The following PRDM6 variants were observed in gnomAD, a reference collection of about 807,000 sequenced individuals.
PRDM6 encodes PR/SET domain 6.
A neutral mutation model predicts 60.8 loss-of-function variants in PRDM6; 25 were observed. That is an observed-to-expected ratio of 0.41 (90% CI 0.30 to 0.57). PRDM6 has a LOEUF of 0.57. PRDM6 is among the 20% of genes least tolerant of loss of function. The probability of loss-of-function intolerance (pLI) is 0.27; values close to 1 mark genes in which losing one functional copy is unlikely to be tolerated. For missense variants in PRDM6, 839 were observed against 821.3 expected (o/e 1.02, Z -0.26); for synonymous variants, 407 against 357.4 (o/e 1.14, Z -1.57).
intron 3 of PRDM6, among the ~76,000 whole-genome samples, chr5:123,151,089 A>C: frequency 6.6e-6 from 1 of 152,168 alleles, no homozygotes; most frequent in East Asian, 1.9e-4. Context: ...GGTTCCTTCT[A>C]TGTGCTGGGC....
chr5:123,193,307 T>G lies in PRDM6; in HGVS notation c.*6106T>G, dbSNP rs894337494. 1.3e-5 allele frequency: 2 copies of G among 152,164 alleles called. No individual in the cohort carries two copies. The highest frequency in any genetic ancestry group is 4.8e-5 in the African/African-American group (2 of 41,436). 9.4% of individuals were successfully genotyped at this position (152,164 alleles called of 1,614,324 possible). On this transcript the variant is annotated 3_prime_UTR_variant, in exon 8 of 8. Transcript: ENST00000407847. The stretch of plus-strand genomic sequence containing the variant: ...GATATAAACTTTAACAAGCTGGAGA[T>G]CTATTTCTACAGCACAACTCTTTCA...
intron 6 of PRDM6, among the ~76,000 whole-genome samples, chr5:123,174,260 C>T (rs546033816): frequency 6.6e-6 from 1 of 152,326 alleles, no homozygotes; most frequent in African/African-American, 2.4e-5. Flanking sequence ...GGATGCTCAA[C>T]CTGTATACGT....
chr5:123,120,176 G>C (rs937879017), intron 3 of PRDM6, among the ~76,000 whole-genome samples: 1 of 152,184 alleles, frequency 6.6e-6, no homozygotes, highest in Non-Finnish European at 1.5e-5. Flanking sequence ...TTTAGAGATG[G>C]ATAAATGTTT....
chr5:123,149,012 A>T (rs1765314849), intron 3 of PRDM6, among the ~76,000 whole-genome samples: 1 of 152,244 alleles, frequency 6.6e-6, no homozygotes, highest in South Asian at 2.1e-4. Context: ...AGTTATACAG[A>T]TAAATAAGTC....
chr5:123,192,160 T>A lies in PRDM6; in HGVS notation c.*4959T>A, dbSNP rs1379201824. 1 of 152,202 alleles carries A rather than the reference T, an allele frequency of 6.6e-6. No individual in the cohort carries two copies. The highest frequency in any genetic ancestry group is 1.5e-5 in the Non-Finnish European group (1 of 68,028). 9.4% of individuals were successfully genotyped at this position (152,202 alleles called of 1,614,324 possible). ...TTATTCCCACAGAGGTTGATGGGAA[T>A]GATGATGATTATAAATTATATTGTG... is the stretch of plus-strand genomic sequence containing the variant. On this transcript the variant is annotated 3_prime_UTR_variant, in exon 8 of 8. Transcript: ENST00000407847.
chr5:123,146,097 TAC>T (rs1383958355), intron 3 of PRDM6, among the ~76,000 whole-genome samples: 1 of 152,246 alleles, frequency 6.6e-6, no homozygotes, highest in Non-Finnish European at 1.5e-5. Context: ...AAGTATTTAA[TAC>T]GATTGCTGTC....
intron 3 of PRDM6, among the ~76,000 whole-genome samples, chr5:123,101,062 C>G (rs550905242): frequency 2.0e-5 from 3 of 152,308 alleles, no homozygotes; most frequent in African/African-American, 7.2e-5. Context: ...GAGATTGCCT[C>G]TCATACTTGG....
intron 5 of PRDM6, among the ~76,000 whole-genome samples, chr5:123,161,553 C>T (rs564658705): frequency 6.6e-6 from 1 of 152,248 alleles, no homozygotes; most frequent in East Asian, 1.9e-4. Context: ...AAGGAACAAG[C>T]CATGTGTTAG....
At chr5:123,130,257 C>G (rs1456424152) in intron 3 of PRDM6, among the ~76,000 whole-genome samples, 1 of 90,320 alleles carries the variant, frequency 1.1e-5, no homozygotes, top group African/African-American at 4.5e-5. Flanking sequence ...CTCCCCTTCC[C>G]TTCCCTCCCT....
chr5:123,178,069 A>G (rs574998330), intron 6 of PRDM6, among the ~76,000 whole-genome samples: 1 of 152,236 alleles, frequency 6.6e-6, no homozygotes, highest in African/African-American at 2.4e-5. Flanking sequence ...AGAATTCAAC[A>G]TAAGCCTCTC....
intron 3 of PRDM6, among the ~76,000 whole-genome samples, chr5:123,110,856 C>G (rs1207658956): frequency 6.6e-6 from 1 of 152,056 alleles, no homozygotes; most frequent in African/African-American, 2.4e-5. Flanking sequence ...TGAGCCACCA[C>G]GTCCGGCAGT....
Position 123,090,617 on chromosome 5 carries a change from G to A in PRDM6, c.592+11G>A. 1.4e-6 allele frequency: 2 copies of A among 1,473,280 alleles called. No individual in the cohort carries two copies. Among genetic ancestry groups the A allele is most frequent in the Non-Finnish European group, 9.0e-7 (1 of 1,116,068 alleles). 91.3% of individuals were successfully genotyped at this position (1,473,280 alleles called of 1,614,324 possible). A position where few individuals can be genotyped will look rare whatever the true frequency, so the allele number is the denominator to read the frequency against. On this transcript the variant is annotated intron_variant, in intron 2 of 7. Coordinates refer to ENST00000407847, the MANE Select transcript of PRDM6 (RefSeq NM_001136239.4). ...GCGACCCCAACAACCGTACGTAGCCGCAGCCCGCGCGCTCTCTCCCGGGGC... is the reference window on the plus strand; with the variant it reads ...GCGACCCCAACAACCGTACGTAGCCACAGCCCGCGCGCTCTCTCCCGGGGC...
chr5:123,098,789 G>T (rs1764022686), intron 2 of PRDM6, among the ~76,000 whole-genome samples: 1 of 152,216 alleles, frequency 6.6e-6, no homozygotes, highest in African/African-American at 2.4e-5. Context: ...TCTAGGGAGA[G>T]CGTGCACACC....
intron 2 of PRDM6, among the ~76,000 whole-genome samples, chr5:123,097,550 G>T (rs1763985499): frequency 6.6e-6 from 1 of 152,168 alleles, no homozygotes; most frequent in African/African-American, 2.4e-5. Flanking sequence ...TTTGGTTCTA[G>T]ACAGGTGTCT....
chr5:123,153,850 G>T (rs865922920), intron 3 of PRDM6, among the ~76,000 whole-genome samples: 1 of 152,174 alleles, frequency 6.6e-6, no homozygotes, highest in African/African-American at 2.4e-5. Flanking sequence ...TGCTGTTGAA[G>T]ATAGTGGCTT....
chr5:123,096,205 T>C (rs1763956108), intron 2 of PRDM6, among the ~76,000 whole-genome samples: 1 of 1,012 alleles, frequency 9.9e-4, no homozygotes, highest in Non-Finnish European at 2.6e-3. Flanking sequence ...AGTATGAACA[T>C]TTACTTGCTT....
At chr5:123,167,110 C>G (rs1765769973) in intron 5 of PRDM6, among the ~76,000 whole-genome samples, 1 of 152,138 alleles carries the variant, frequency 6.6e-6, no homozygotes, top group South Asian at 2.1e-4. Flanking sequence ...TCTTGTGTGT[C>G]TCCTAAAAGT....
intron 3 of PRDM6, among the ~76,000 whole-genome samples, chr5:123,137,629 G>A (rs1318860695): frequency 1.3e-5 from 2 of 152,068 alleles, no homozygotes; most frequent in Non-Finnish European, 2.9e-5. Flanking sequence ...TCACACACCC[G>A]GGCCTGTCAG....
intron 3 of PRDM6, among the ~76,000 whole-genome samples, chr5:123,153,412 G>A (rs1009603540): frequency 1.3e-5 from 2 of 152,122 alleles, no homozygotes; most frequent in African/African-American, 4.8e-5. Context: ...CTAGGCTCTG[G>A]GGGCTGAGGG....
Sources: allele counts gnomAD v4.1 joint callset (sites outside exome capture counted in the v4.1 genomes callset), GRCh38; gene constraint gnomAD v4.1.1; transcripts MANE v1.5; gene names NCBI Gene and HGNC (gene_info 2026-07-23, HGNC 2026-07-21).